PCDHA1: variants seen among roughly 807,000 people sequenced by gnomAD.
The protein encoded by PCDHA1 is protocadherin alpha-1.
In PCDHA1, 42 loss-of-function variants were observed where a neutral mutation model predicts 61.3. That is an observed-to-expected ratio of 0.69 (90% CI 0.54 to 0.89). The LOEUF is 0.89. Ranked by LOEUF, PCDHA1 falls within the 40% of genes least tolerant of loss-of-function variation. The pLI is 0.00. For synonymous variants in PCDHA1, 610 were observed against 553.8 expected, an observed-to-expected ratio of 1.10 and a Z score of -1.43; for missense variants, 1,256 against 1,235.3, an observed-to-expected ratio of 1.02 and a Z score of -0.25.
At chr5:140,944,823 C>T (rs1246814273) in intron 1 of PCDHA1, among the ~76,000 whole-genome samples, 1 of 152,148 alleles carries the variant, frequency 6.6e-6, no homozygotes, top group Non-Finnish European at 1.5e-5. Context: ...ATCTTTGCCC[C>T]ATAATTGTAA....
intron 1 of PCDHA1, chr5:140,862,540 G>A: frequency 4.5e-6 from 2 of 444,274 alleles, no homozygotes; most frequent in South Asian, 3.5e-5. Flanking sequence ...TCGGGTCCGT[G>A]GAAGTGGCCG....
intron 1 of PCDHA1, chr5:140,829,906 G>A (rs2150177512): frequency 6.2e-6 from 10 of 1,613,980 alleles, no homozygotes; most frequent in Non-Finnish European, 8.5e-6. Flanking sequence ...GCTACAACGC[G>A]TGGCTTTCGT....
chr5:140,871,358 A>T, intron 1 of PCDHA1: 6 of 1,614,208 alleles, frequency 3.7e-6, no homozygotes, highest in Non-Finnish European at 5.1e-6. Context: ...TACTCGCAGC[A>T]GAGGCGGCAG....
intron 1 of PCDHA1, among the ~76,000 whole-genome samples, chr5:140,846,239 T>TATACA (rs1419115940): frequency 1.3e-5 from 2 of 149,652 alleles, no homozygotes; most frequent in Admixed American, 6.7e-5. Context: ...TAAAAAGAAG[T>TATACA]ATACAATAAT....
At chr5:140,939,207 T>C (rs1013809748) in intron 1 of PCDHA1, among the ~76,000 whole-genome samples, 1 of 152,180 alleles carries the variant, frequency 6.6e-6, no homozygotes, top group Non-Finnish European at 1.5e-5. Context: ...GAATGTCACC[T>C]TCTTGCTGTC....
intron 1 of PCDHA1, chr5:140,805,404 A>T: frequency 5.6e-6 from 6 of 1,074,604 alleles, no homozygotes; most frequent in Non-Finnish European, 6.8e-6. Flanking sequence ...TTGATTCAGA[A>T]ATTTGGTGGG....
In PCDHA1 at chr5:140,805,414, G is replaced by T. The variant is rs940665607; in HGVS notation, c.2394+16730G>T. 2.4e-5 allele frequency: 26 copies of T among 1,064,258 alleles called. No homozygotes were observed. The South Asian group carries it at 3.2e-4, about 13-fold the overall frequency. 65.9% of individuals were successfully genotyped at this position (1,064,258 alleles called of 1,614,324 possible). A position where few individuals can be genotyped will look rare whatever the true frequency, so the allele number is the denominator to read the frequency against. ...TCTGTTTGATTCAGAAATTTGGTGG[G>T]TTTTTTGTTGTTGTTTTGGTTTTTG... On this transcript the variant is annotated intron_variant, in intron 1 of 3. Coordinates refer to ENST00000504120, the MANE Select transcript of PCDHA1 (RefSeq NM_018900.4).
intron 1 of PCDHA1, chr5:140,841,224 A>G: frequency 6.9e-7 from 1 of 1,450,532 alleles, no homozygotes; most frequent in South Asian, 1.4e-5. Context: ...AGGCCGAACA[A>G]CGGGAGATGC....
At chr5:140,828,473 G>A in intron 1 of PCDHA1, 1 of 1,614,248 alleles carries the variant, frequency 6.2e-7, no homozygotes, top group Non-Finnish European at 8.5e-7. Context: ...GGACATTAAC[G>A]ACAACCCGCC....
intron 1 of PCDHA1, among the ~76,000 whole-genome samples, chr5:140,934,109 A>G (rs2089636629): frequency 6.6e-6 from 1 of 151,948 alleles, no homozygotes; most frequent in Non-Finnish European, 1.5e-5. Flanking sequence ...CTATTTTATT[A>G]ATTTTCATAC....
chr5:141,000,393 C>CTATAAATATATA (rs1563650230), intron 3 of PCDHA1, among the ~76,000 whole-genome samples: 1 of 52,856 alleles, frequency 1.9e-5, no homozygotes, highest in African/African-American at 9.2e-5. Flanking sequence ...CTCTCTCTCT[C>CTATAAATATATA]TCTATATATA....
intron 1 of PCDHA1, chr5:140,842,893 C>T: frequency 6.3e-7 from 1 of 1,594,312 alleles, no homozygotes; most frequent in Non-Finnish European, 8.6e-7. Context: ...AGCCGCTGGA[C>T]CACGAGGAGC....
intron 1 of PCDHA1, chr5:140,968,403 T>C (rs1554230673): frequency 6.2e-7 from 1 of 1,613,984 alleles, no homozygotes; most frequent in Non-Finnish European, 8.5e-7. Context: ...CGGGAGTTCT[T>C]TGTGACTGTG....
chr5:140,853,445 A>G, intron 1 of PCDHA1: 1 of 981,870 alleles, frequency 1.0e-6, no homozygotes, highest in Non-Finnish European at 1.2e-6. Flanking sequence ...ATTTTGCCTA[A>G]TAGGTCTCCT....
intron 1 of PCDHA1, among the ~76,000 whole-genome samples, chr5:140,975,536 A>G (rs957684886): frequency 2.0e-5 from 3 of 152,226 alleles, no homozygotes; most frequent in Admixed American, 1.3e-4. Flanking sequence ...TATTCTTAAT[A>G]CAGTCCTATT....
intron 3 of PCDHA1, among the ~76,000 whole-genome samples, chr5:140,994,726 G>T (rs774837274): frequency 3.0e-4 from 45 of 151,958 alleles, no homozygotes; most frequent in Non-Finnish European, 3.7e-4. Flanking sequence ...TAAAATACTG[G>T]GTATTGCAGG....
chr5:140,965,323 G>A (rs2095891055), intron 1 of PCDHA1, among the ~76,000 whole-genome samples: 1 of 152,176 alleles, frequency 6.6e-6, no homozygotes, highest in South Asian at 2.1e-4. Flanking sequence ...TTTTACTGAA[G>A]TGAATTTGTT....
At chr5:140,806,009 C>G (rs1167336615) in intron 1 of PCDHA1, among the ~76,000 whole-genome samples, 1 of 152,146 alleles carries the variant, frequency 6.6e-6, no homozygotes, top group East Asian at 1.9e-4. Flanking sequence ...CACACATACT[C>G]AAATGCTTAT....
intron 1 of PCDHA1, chr5:140,805,210 C>T: frequency 4.9e-6 from 7 of 1,426,898 alleles, no homozygotes; most frequent in Non-Finnish European, 6.4e-6. Context: ...ACCAAATAAA[C>T]ATTGTTTTCT....
Sources: allele counts gnomAD v4.1 joint callset (sites outside exome capture counted in the v4.1 genomes callset), GRCh38; gene constraint gnomAD v4.1.1; transcripts MANE v1.5; gene names NCBI Gene and HGNC (gene_info 2026-07-23, HGNC 2026-07-21).